The following CEP112 variants were observed in gnomAD, a reference collection of about 807,000 sequenced individuals.
The protein encoded by CEP112 is centrosomal protein 112.
CEP112 carries 127 observed loss-of-function variants against 153.0 expected under a neutral mutation model. The ratio of observed to expected loss-of-function variants is 0.83; its 90% CI spans 0.72 to 0.96. The LOEUF (loss-of-function observed/expected upper bound fraction) is 0.96. CEP112 is among the 40% of genes least tolerant of loss of function. The pLI is 0.00. For synonymous variants in CEP112, 358 were observed against 374.4 expected (o/e 0.96, Z 0.51); for missense variants, 1,089 against 1,101.2 (o/e 0.99, Z 0.16).
intron 6 of CEP112, among the ~76,000 whole-genome samples, chr17:66,097,575 T>C (rs2068399949): frequency 1.3e-5 from 2 of 152,188 alleles, no homozygotes; most frequent in Admixed American, 6.5e-5. Context: ...TAAAGTATCC[T>C]ATGTCCACTC....
intron 17 of CEP112, among the ~76,000 whole-genome samples, chr17:65,980,088 C>T (rs142318649): frequency 0.012 from 1,809 of 152,198 alleles, 18 homozygotes; most frequent in Middle Eastern, 0.044. Context: ...TTAGGTCTCT[C>T]GATACAGACC....
intron 24 of CEP112, among the ~76,000 whole-genome samples, chr17:65,656,594 G>A (rs2046074730): frequency 6.6e-6 from 1 of 152,172 alleles, no homozygotes; most frequent in Non-Finnish European, 1.5e-5. Context: ...CTTATTGTCT[G>A]TGATTGCTTT....
intron 11 of CEP112, among the ~76,000 whole-genome samples, chr17:66,055,946 C>T (rs2066666200): frequency 6.6e-6 from 1 of 152,210 alleles, no homozygotes; most frequent in Non-Finnish European, 1.5e-5. Flanking sequence ...CATCAGTGAG[C>T]ACTTTCCCAA....
chr17:65,719,547 A>G (rs748821929), intron 23 of CEP112, among the ~76,000 whole-genome samples: 15 of 152,136 alleles, frequency 9.9e-5, no homozygotes, highest in Non-Finnish European at 1.9e-4. Flanking sequence ...ATGCCACCGC[A>G]CTCCAGCCTG....
At chr17:65,851,696 G>T in intron 21 of CEP112, 108 bp downstream of exon 21, 1 of 761,968 alleles carries the variant, frequency 1.3e-6, no homozygotes, top group Non-Finnish European at 2.2e-6. Flanking sequence ...TACATTTAAA[G>T]AGTAATGCCA....
intron 19 of CEP112, among the ~76,000 whole-genome samples, chr17:65,911,223 GT>G (rs2060270726): frequency 6.6e-6 from 1 of 152,180 alleles, no homozygotes; most frequent in Non-Finnish European, 1.5e-5. Context: ...AATCCTGGTG[GT>G]GAGCACATAA....
intron 21 of CEP112, among the ~76,000 whole-genome samples, chr17:65,786,377 T>C (rs745546989): frequency 1.3e-5 from 2 of 152,046 alleles, no homozygotes; most frequent in Non-Finnish European, 2.9e-5. Flanking sequence ...AGAATTTTAC[T>C]TCTTCCTTTC....
chr17:66,137,757 A>T (rs1159018999), intron 4 of CEP112, among the ~76,000 whole-genome samples: 1 of 152,184 alleles, frequency 6.6e-6, no homozygotes, highest in African/African-American at 2.4e-5. Flanking sequence ...ATACGGTCCC[A>T]GATAAACAAA....
chr17:65,706,761 A>T (rs1043015193), intron 23 of CEP112, among the ~76,000 whole-genome samples: 3 of 152,006 alleles, frequency 2.0e-5, no homozygotes, highest in African/African-American at 7.2e-5. Context: ...CCTTCCAAAT[A>T]TTTCTCCTCT....
intron 19 of CEP112, among the ~76,000 whole-genome samples, chr17:65,909,638 A>T (rs1452956559): frequency 4.6e-5 from 7 of 152,220 alleles, no homozygotes; most frequent in Non-Finnish European, 4.4e-5. Context: ...CTGGGTAAAG[A>T]TAATAGGGAA....
intron 5 of CEP112, among the ~76,000 whole-genome samples, chr17:66,132,101 G>A (rs543504878): frequency 1.5e-4 from 22 of 142,460 alleles, no homozygotes; most frequent in Non-Finnish European, 2.7e-4. Flanking sequence ...CCCGGGAGGC[G>A]GAGGTTGCAG....
intron 8 of CEP112, among the ~76,000 whole-genome samples, chr17:66,078,276 T>TG (rs1250439053): frequency 6.7e-6 from 1 of 148,780 alleles, no homozygotes; most frequent in Non-Finnish European, 1.5e-5. Context: ...TTTTTTTTTT[T>TG]TGAGACGGAG....
At chr17:66,036,390 G>C (rs1011865898) in intron 12 of CEP112, among the ~76,000 whole-genome samples, 2 of 144,752 alleles carry the variant, frequency 1.4e-5, no homozygotes, top group African/African-American at 5.2e-5. Flanking sequence ...AAAAGAAAAA[G>C]AGAAAACAAT....
intron 21 of CEP112, among the ~76,000 whole-genome samples, chr17:65,805,533 C>A (rs1598635082): frequency 6.6e-6 from 1 of 152,258 alleles, no homozygotes; most frequent in Middle Eastern, 3.4e-3. Flanking sequence ...ATGTCTTTAG[C>A]ATTTTTCGTT....
chr17:66,032,544 T>C (rs1568407639), intron 12 of CEP112, among the ~76,000 whole-genome samples: 1 of 152,114 alleles, frequency 6.6e-6, no homozygotes, highest in Non-Finnish European at 1.5e-5. Flanking sequence ...ATTACCAAGA[T>C]TGCAACTCAG....
At chr17:65,668,563 C>A (rs966212396) in intron 24 of CEP112, among the ~76,000 whole-genome samples, 5 of 152,182 alleles carry the variant, frequency 3.3e-5, no homozygotes, top group Non-Finnish European at 5.9e-5. Context: ...TCTAAAACCA[C>A]CTGCCTGTAT....
At chr17:65,809,797 T>C (rs979452057) in intron 21 of CEP112, among the ~76,000 whole-genome samples, 1 of 151,364 alleles carries the variant, frequency 6.6e-6, no homozygotes, top group Non-Finnish European at 1.5e-5. Flanking sequence ...AGCATATAGA[T>C]GGCATTTAAA....
intron 16 of CEP112, among the ~76,000 whole-genome samples, chr17:66,016,458 G>A (rs953950646): frequency 6.6e-6 from 1 of 152,090 alleles, no homozygotes; most frequent in Non-Finnish European, 1.5e-5. Flanking sequence ...CAATTCCCAG[G>A]AGGGTTTGAA....
intron 19 of CEP112, chr17:65,903,428 T>G (rs552949241): frequency 1.3e-5 from 2 of 152,170 alleles, no homozygotes; most frequent in East Asian, 3.8e-4. Flanking sequence ...ATTTCAGAAG[T>G]TTTCTTTTTA....
Sources: allele counts gnomAD v4.1 joint callset (sites outside exome capture counted in the v4.1 genomes callset), GRCh38; gene constraint gnomAD v4.1.1; transcripts MANE v1.5; gene names NCBI Gene and HGNC (gene_info 2026-07-23, HGNC 2026-07-21).